The following CYP7B1 variants were observed in gnomAD, a reference collection of about 807,000 sequenced individuals.
CYP7B1 encodes cytochrome P450 7B1.
Under a neutral mutation model 42.7 loss-of-function variants are expected in CYP7B1, and 29 were observed. That is an observed-to-expected ratio of 0.68 (90% confidence interval 0.51 to 0.93). The LOEUF is 0.93. Among genes scored for constraint, CYP7B1 ranks in the 40% least tolerant of loss-of-function variants. CYP7B1 has a pLI of 0.00. For synonymous variants in CYP7B1, 235 were observed against 218.2 expected, an observed-to-expected ratio of 1.08 and a Z score of -0.68; for missense variants, 655 against 600.5, an observed-to-expected ratio of 1.09 and a Z score of -0.95.
chr8:64,785,922 C>T (rs760238271), intron 1 of CYP7B1, among the ~76,000 whole-genome samples: 4 of 152,158 alleles, frequency 2.6e-5, no homozygotes, highest in Non-Finnish European at 5.9e-5. Context: ...GGGAAACAAA[C>T]ACATCCTTCT....
At chr8:64,745,664 C>A (rs1676623512) in intron 1 of CYP7B1, among the ~76,000 whole-genome samples, 1 of 152,126 alleles carries the variant, frequency 6.6e-6, no homozygotes, top group Non-Finnish European at 1.5e-5. Context: ...TGCAGAGAGC[C>A]CTCTAGCTTC....
intron 1 of CYP7B1, among the ~76,000 whole-genome samples, chr8:64,734,073 T>G (rs756628825): frequency 3.9e-5 from 6 of 152,212 alleles, no homozygotes; most frequent in Non-Finnish European, 7.3e-5. Flanking sequence ...TCTGTTCATA[T>G]TCAGTACTTT....
At chr8:64,669,700 G>C (rs1806335993) in intron 1 of CYP7B1, among the ~76,000 whole-genome samples, 1 of 150,716 alleles carries the variant, frequency 6.6e-6, no homozygotes, top group Non-Finnish European at 1.5e-5. Flanking sequence ...GTTCTCTCTA[G>C]GGAGGGAATG....
At chr8:64,668,427 G>A (rs1408079078) in intron 1 of CYP7B1, among the ~76,000 whole-genome samples, 1 of 151,700 alleles carries the variant, frequency 6.6e-6, no homozygotes, top group African/African-American at 2.4e-5. Context: ...TTTTTTAGCA[G>A]GTTTACATAT....
chr8:64,759,349 T>C (rs1807853194), intron 1 of CYP7B1, among the ~76,000 whole-genome samples: 2 of 152,328 alleles, frequency 1.3e-5, no homozygotes, highest in Admixed American at 1.3e-4. Flanking sequence ...AACAATTCTG[T>C]CATCACTTTT....
At chr8:64,700,290 C>G (rs1414299980) in intron 1 of CYP7B1, among the ~76,000 whole-genome samples, 1 of 152,096 alleles carries the variant, frequency 6.6e-6, no homozygotes, top group East Asian at 1.9e-4. Context: ...CTAACAACCA[C>G]CAGGACAGGG....
intron 1 of CYP7B1, among the ~76,000 whole-genome samples, chr8:64,771,527 C>G (rs367582582): frequency 2.8e-4 from 43 of 152,118 alleles, no homozygotes; most frequent in East Asian, 1.7e-3. Flanking sequence ...GAAACTCAAC[C>G]TACACTAATT....
intron 1 of CYP7B1, among the ~76,000 whole-genome samples, chr8:64,722,249 G>C (rs1283643308): frequency 6.6e-6 from 1 of 152,146 alleles, no homozygotes; most frequent in African/African-American, 2.4e-5. Context: ...GACTGTACTT[G>C]CAAATGGAAA....
At chr8:64,651,328 G>A (rs1806035542) in intron 1 of CYP7B1, among the ~76,000 whole-genome samples, 2 of 152,138 alleles carry the variant, frequency 1.3e-5, no homozygotes, top group East Asian at 1.9e-4. Flanking sequence ...AAACAAAATG[G>A]TGTGACTCAA....
At chr8:64,599,314 A>G (rs1805164967) in intron 5 of CYP7B1, among the ~76,000 whole-genome samples, 1 of 151,698 alleles carries the variant, frequency 6.6e-6, no homozygotes, top group Non-Finnish European at 1.5e-5. Context: ...TCAGCCTCCC[A>G]AGTAGCTGGG....
rs7822429 is a variant in CYP7B1 at position 64,597,137 on chromosome 8, G to A, written c.1234-208C>T. Among the ~76,000 whole-genome samples, 144,128 of 152,300 alleles carry A rather than the reference G, an allele frequency of 0.95. 68,317 individuals carry two copies. The highest frequency in any genetic ancestry group is 0.99 in the African/African-American group (41,069 of 41,570). On this transcript the variant is annotated intron_variant, in intron 5 of 5. Coordinates refer to ENST00000310193, the MANE Select transcript of CYP7B1 (RefSeq NM_004820.5). ...ATTACTTCTCCCATATCAAAGTGAAGTCTGAAAAGCTGTATGACTTTTTTT... is the reference window on the plus strand; with the variant it reads ...ATTACTTCTCCCATATCAAAGTGAAATCTGAAAAGCTGTATGACTTTTTTT...
intron 5 of CYP7B1, among the ~76,000 whole-genome samples, chr8:64,602,707 T>C (rs993596873): frequency 6.6e-6 from 1 of 152,202 alleles, no homozygotes. Context: ...AACAAATGGC[T>C]CACGGTAGAC....
chr8:64,685,185 G>A (rs1212940415), intron 1 of CYP7B1, among the ~76,000 whole-genome samples: 2 of 151,926 alleles, frequency 1.3e-5, no homozygotes, highest in African/African-American at 2.4e-5. Flanking sequence ...GGGAGGCAGC[G>A]GCTGGAGGAG....
In CYP7B1 at chr8:64,730,223, G is replaced by A. The variant is rs950490216; in HGVS notation, c.122+68243C>T. 4.2e-4 allele frequency among the ~76,000 whole-genome samples: 64 copies of A among 151,752 alleles called. 1 individual carries two copies. Among genetic ancestry groups the A allele is most frequent in the Non-Finnish European group, 3.1e-4 (21 of 67,994 alleles). Reference sequence around the variant, plus strand: ...ACTACAGGCACATGCCACCATGTCCGGCTAATTTTTTTTTTTTTGTATTTT... The same window carrying A: ...ACTACAGGCACATGCCACCATGTCCAGCTAATTTTTTTTTTTTTGTATTTT... On this transcript the variant is annotated intron_variant, in intron 1 of 5. Coordinates refer to ENST00000310193, the MANE Select transcript of CYP7B1 (RefSeq NM_004820.5).
At chr8:64,756,189 T>C (rs917733434) in intron 1 of CYP7B1, among the ~76,000 whole-genome samples, 1 of 152,194 alleles carries the variant, frequency 6.6e-6, no homozygotes, top group African/African-American at 2.4e-5. Context: ...TAGTCCTTAA[T>C]GGAATGAACT....
intron 1 of CYP7B1, among the ~76,000 whole-genome samples, chr8:64,723,954 C>T (rs1303338632): frequency 6.6e-6 from 1 of 151,964 alleles, no homozygotes; most frequent in African/African-American, 2.4e-5. Flanking sequence ...ATGCAGAGAA[C>T]ACATCTTTAA....
chr8:64,777,174 TAAAAAAA>T (rs71561235), intron 1 of CYP7B1, among the ~76,000 whole-genome samples: 3 of 113,116 alleles, frequency 2.7e-5, no homozygotes, highest in Non-Finnish European at 5.6e-5. Flanking sequence ...GGTCATTTTG[TAAAAAAA>T]AAAAAAAAAA....
At chr8:64,694,024 A>G (rs1280484788) in intron 1 of CYP7B1, among the ~76,000 whole-genome samples, 2 of 152,192 alleles carry the variant, frequency 1.3e-5, no homozygotes, top group East Asian at 3.8e-4. Flanking sequence ...GGCTTGGAAG[A>G]CAAAATTACC....
intron 1 of CYP7B1, among the ~76,000 whole-genome samples, chr8:64,715,119 A>G (rs568309479): frequency 4.6e-5 from 7 of 152,360 alleles, no homozygotes; most frequent in Non-Finnish European, 8.8e-5. Flanking sequence ...GAAATTTGAT[A>G]GAAATTAAGA....
Sources: allele counts gnomAD v4.1 joint callset (sites outside exome capture counted in the v4.1 genomes callset), GRCh38; gene constraint gnomAD v4.1.1; transcripts MANE v1.5; gene names NCBI Gene and HGNC (gene_info 2026-07-23, HGNC 2026-07-21).